ARHGAP31: variants seen among roughly 807,000 people sequenced by gnomAD.
ARHGAP31 encodes the protein rho GTPase-activating protein 31.
Under a neutral mutation model 113.9 loss-of-function variants are expected in ARHGAP31, and 34 were observed. The ratio of observed to expected loss-of-function variants is 0.30; its 90% confidence interval spans 0.23 to 0.40. The LOEUF (loss-of-function observed/expected upper bound fraction) is 0.40. Among genes scored for constraint, ARHGAP31 ranks in the 10% least tolerant of loss-of-function variants. The pLI is 1.00. For synonymous variants in ARHGAP31, 650 were observed against 684.8 expected, an observed-to-expected ratio of 0.95 and a Z score of 0.79; for missense variants, 1,548 against 1,767.1, an observed-to-expected ratio of 0.88 and a Z score of 2.22.
chr3:119,294,839 C>G lies in ARHGAP31; in HGVS notation c.-66C>G. 1 of 1,452,868 alleles carries G rather than the reference C, an allele frequency of 6.9e-7. No individual in the cohort carries two copies. Among genetic ancestry groups the G allele is most frequent in the Non-Finnish European group, 9.7e-7 (1 of 1,034,522 alleles). 90.0% of individuals were successfully genotyped at this position (1,452,868 alleles called of 1,614,324 possible). A position where few individuals can be genotyped will look rare whatever the true frequency, so the allele number is the denominator to read the frequency against. On this transcript the variant is annotated 5_prime_UTR_variant, in exon 1 of 12. Coordinates refer to ENST00000264245, the MANE Select transcript of ARHGAP31 (RefSeq NM_020754.4). ...CAGCCGGTGATCTAGCCCGGGAGCC[C>G]ATCTTACAGCGGTGCCAAGCAGAGG...
chr3:119,365,514 G>T (rs2080246224), intron 2 of ARHGAP31, 96 bp downstream of exon 2: 1 of 1,070,518 alleles, frequency 9.3e-7, no homozygotes, highest in Non-Finnish European at 1.4e-6. Context: ...AAACCCAAAG[G>T]AACTGAGGGA....
chr3:119,378,417 C>T (rs1269526471), intron 3 of ARHGAP31, among the ~76,000 whole-genome samples: 1 of 152,032 alleles, frequency 6.6e-6, no homozygotes, highest in African/African-American at 2.4e-5. Context: ...TGCAGGCCTC[C>T]AGGGATGAGC....
chr3:119,359,534 G>A (rs1281018783), intron 1 of ARHGAP31, among the ~76,000 whole-genome samples: 1 of 151,812 alleles, frequency 6.6e-6, no homozygotes, highest in Admixed American at 6.6e-5. Context: ...CATGAAGCCA[G>A]GAAGAAAAGA....
intron 6 of ARHGAP31, among the ~76,000 whole-genome samples, chr3:119,384,278 G>A (rs1220126971): frequency 6.6e-6 from 1 of 151,982 alleles, no homozygotes; most frequent in Admixed American, 6.6e-5. Context: ...TCTACATAAC[G>A]TACAATTCAT....
At chr3:119,403,015 G>T (rs1577031314) in intron 10 of ARHGAP31, among the ~76,000 whole-genome samples, 1 of 152,304 alleles carries the variant, frequency 6.6e-6, no homozygotes, top group East Asian at 1.9e-4. Context: ...CCAGCTAATT[G>T]GGTTCTGAGA....
Position 119,368,423 on chromosome 3 carries a change from C to T in ARHGAP31, c.255C>T (p.Leu85=), listed in dbSNP as rs2080267909. The change falls in exon 3 of 12, where the codon CTC becomes CTT. Residue 85 remains leucine, a synonymous_variant. Transcript: ENST00000264245. ...QCPDLTREVY[L]QDIHCVGSLC... is the part of the protein sequence containing the mutation. ...CAGATCTGACAAGGGAAGTGTACCT[C>T]CAGGACATCCACTGTGTGGGCTCGC... 7 of 1,614,040 alleles carry T rather than the reference C, an allele frequency of 4.3e-6. No homozygotes were observed. Among genetic ancestry groups the T allele is most frequent in the African/African-American group, 4.0e-5 (3 of 74,916 alleles).
Position 119,297,909 on chromosome 3 carries a change from A to AACACACACACACACACAC in ARHGAP31, c.100+2924_100+2941dup, listed in dbSNP as rs10575145. ...GAGAAACAGAAACCCTTTCCTTAGAAACACACACACACACACACACACACA... is the reference window on the plus strand; with the variant it reads ...GAGAAACAGAAACCCTTTCCTTAGAAACACACACACACACACACACACACACACACACACACACACACA... On this transcript the variant is annotated intron_variant, in intron 1 of 11. Coordinates refer to ENST00000264245, the MANE Select transcript of ARHGAP31 (RefSeq NM_020754.4). 2.4e-3 allele frequency among the ~76,000 whole-genome samples: 349 copies of AACACACACACACACACAC among 142,768 alleles called. 3 individuals are homozygous for AACACACACACACACACAC. Among genetic ancestry groups the AACACACACACACACACAC allele is most frequent in the African/African-American group, 8.6e-3 (328 of 38,350 alleles). The allele number at this position is 142,768 out of a possible 152,430, so 93.7% of individuals were successfully genotyped here. A position where few individuals can be genotyped will look rare whatever the true frequency, so the allele number is the denominator to read the frequency against.
In ARHGAP31 at chr3:119,388,309, T is replaced by C. The variant is rs6766790; in HGVS notation, c.683-2476T>C. Among the ~76,000 whole-genome samples the C allele has an allele frequency of 3.7e-3, 124 of 33,602 alleles. 3 individuals carry two copies. Among genetic ancestry groups the C allele is most frequent in the East Asian group, 0.011 (6 of 558 alleles). 22.0% of individuals were successfully genotyped at this position (33,602 alleles called of 152,430 possible). A position where few individuals can be genotyped will look rare whatever the true frequency, so the allele number is the denominator to read the frequency against. ...ATATAATATGTATATGTATAATTTT[T>C]ATATATATATATATATGTACACATT... is the stretch of plus-strand genomic sequence containing the variant. On this transcript the variant is annotated intron_variant, in intron 6 of 11. Transcript: ENST00000264245.
rs2080812446 is a variant in ARHGAP31 at position 119,420,671 on chromosome 3, T to C, written c.*4407T>C. On this transcript the variant is annotated 3_prime_UTR_variant, in exon 12 of 12. Coordinates refer to ENST00000264245, the MANE Select transcript of ARHGAP31 (RefSeq NM_020754.4). ...TTGCAATAACTTAATGTCATAGTAC[T>C]TTCTGGCTTATAATTCTGCAAAGTA... 6.6e-6 allele frequency: 1 copy of C among 152,248 alleles called. No homozygotes were observed. The highest frequency in any genetic ancestry group is 2.4e-5 in the African/African-American group (1 of 41,462). The allele number at this position is 152,248 out of a possible 1,614,324, so 9.4% of individuals were successfully genotyped here.
intron 1 of ARHGAP31, among the ~76,000 whole-genome samples, chr3:119,313,236 C>A (rs1396784011): frequency 6.6e-6 from 1 of 152,192 alleles, no homozygotes; most frequent in Non-Finnish European, 1.5e-5. Context: ...TGTTCCTCTT[C>A]CCAGAATCAA....
chr3:119,294,912 A>G lies in ARHGAP31; in HGVS notation c.8A>G (p.Asn3Ser), dbSNP rs753462306. 1 of 1,614,066 alleles carries G rather than the reference A, an allele frequency of 6.2e-7. No homozygotes were observed. ...CCTCTTTGGGACTAACTCATGAAGA[A>G]CAAGGGTGCTAAGCAGAAGCTGAAA... MKNKGAKQKLKRK... is the reference protein window; with the variant it reads MKSKGAKQKLKRK... Residue 3 changes from asparagine (N) to serine (S), a missense_variant, in exon 1 of 12, where the codon AAC becomes AGC. Asn to Ser is a conservative substitution (Grantham distance 46, BLOSUM62 1). Transcript: ENST00000264245.
In ARHGAP31 at chr3:119,402,064, G is replaced by A. The variant is rs1252258509; in HGVS notation, c.1312G>A (p.Val438Ile). ...PPEQLKVFRP[V>I]EDPESEQTAP... ...GGAACAGCTGAAGGTTTTCCGGCCT[G>A]TTGAGGATCCGGAGAGCGAGCAAAC... is the stretch of plus-strand genomic sequence containing the variant. Residue 438 changes from valine to isoleucine, a missense_variant, in exon 10 of 12, where the codon GTT (valine) becomes ATT (isoleucine). Transcript: ENST00000264245. The A allele has an allele frequency of 1.9e-6, 3 of 1,614,082 alleles. No homozygotes were observed. Among genetic ancestry groups the A allele is most frequent in the Non-Finnish European group, 2.5e-6 (3 of 1,180,052 alleles).
In ARHGAP31 at chr3:119,420,207, G is replaced by A. The variant is rs889942655; in HGVS notation, c.*3943G>A. Reference sequence around the variant, plus strand: ...TTCTCAGTAAGTCCAGTCCCACCAGGATTTATTTGGGCCACATTCTACCAC... The same window carrying A: ...TTCTCAGTAAGTCCAGTCCCACCAGAATTTATTTGGGCCACATTCTACCAC... On this transcript the variant is annotated 3_prime_UTR_variant, in exon 12 of 12. Coordinates refer to ENST00000264245, the MANE Select transcript of ARHGAP31 (RefSeq NM_020754.4). 1.4e-4 allele frequency: 22 copies of A among 152,290 alleles called. No individual in the cohort carries two copies. The highest frequency in any genetic ancestry group is 3.9e-4 in the African/African-American group (16 of 41,552). 9.4% of individuals were successfully genotyped at this position (152,290 alleles called of 1,614,324 possible).
At chr3:119,407,717 T>C (rs527413009) in intron 10 of ARHGAP31, among the ~76,000 whole-genome samples, 1 of 152,274 alleles carries the variant, frequency 6.6e-6, no homozygotes, top group South Asian at 2.1e-4. Flanking sequence ...GTTAGGTTTG[T>C]CTTGAAGAAT....
chr3:119,410,153 C>A (rs1244293178), intron 11 of ARHGAP31, among the ~76,000 whole-genome samples: 2 of 152,218 alleles, frequency 1.3e-5, no homozygotes, highest in East Asian at 3.8e-4. Context: ...AGAGTCCAGC[C>A]TTCTTCTTCT....
chr3:119,335,303 T>C (rs935077789), intron 1 of ARHGAP31, among the ~76,000 whole-genome samples: 4 of 152,222 alleles, frequency 2.6e-5, no homozygotes, highest in Non-Finnish European at 5.9e-5. Flanking sequence ...ATTGAGATAA[T>C]GTCTAGCTTC....
chr3:119,334,987 G>A (rs184788253), intron 1 of ARHGAP31, among the ~76,000 whole-genome samples: 6 of 152,190 alleles, frequency 3.9e-5, no homozygotes, highest in East Asian at 1.9e-4. Context: ...TCAGTAGGAA[G>A]ACAATGGAGA....
At chr3:119,326,956 G>A (rs546687070) in intron 1 of ARHGAP31, among the ~76,000 whole-genome samples, 215 of 151,846 alleles carry the variant, frequency 1.4e-3, no homozygotes, top group African/African-American at 5.0e-3. Flanking sequence ...TGGGCAACAC[G>A]GTGAAACCCT....
At chr3:119,300,622 C>T (rs1317083201) in intron 1 of ARHGAP31, among the ~76,000 whole-genome samples, 2 of 151,794 alleles carry the variant, frequency 1.3e-5, no homozygotes, top group South Asian at 2.1e-4. Context: ...TGAGGTCAGA[C>T]GTTCGAGACC....
Sources: allele counts gnomAD v4.1 joint callset (sites outside exome capture counted in the v4.1 genomes callset), GRCh38; gene constraint gnomAD v4.1.1; transcripts MANE v1.5; gene names NCBI Gene and HGNC (gene_info 2026-07-23, HGNC 2026-07-21).